CHRDL1: variants seen among roughly 807,000 people sequenced by gnomAD.
The protein encoded by CHRDL1 is chordin-like protein 1.
Under a neutral mutation model 40.9 loss-of-function variants are expected in CHRDL1, and 19 were observed. The ratio of observed to expected loss-of-function variants is 0.46; its 90% CI spans 0.32 to 0.68. CHRDL1 has a LOEUF of 0.68. CHRDL1 is among the 30% of genes least tolerant of loss of function. The probability of loss-of-function intolerance (pLI) is 0.03; values close to 1 mark genes in which losing one functional copy is unlikely to be tolerated. For synonymous variants in CHRDL1, 136 were observed against 123.4 expected (o/e 1.10, Z -0.68); for missense variants, 329 against 352.1 (o/e 0.93, Z 0.53).
chrX:110,768,289 A>C (rs1280694536), intron 2 of CHRDL1, among the ~76,000 whole-genome samples: 1 of 112,014 alleles, frequency 8.9e-6, no homozygotes, highest in Non-Finnish European at 1.9e-5. Flanking sequence ...AAAAGAACTA[A>C]AATTTTTATA....
intron 6 of CHRDL1, among the ~76,000 whole-genome samples, chrX:110,702,892 G>A (rs2070544964): frequency 8.9e-6 from 1 of 111,866 alleles, no homozygotes; most frequent in Non-Finnish European, 1.9e-5. Flanking sequence ...AGCATCTGGG[G>A]CAGTGCTGGG....
intron 10 of CHRDL1, among the ~76,000 whole-genome samples, chrX:110,680,578 C>A (rs1253400488): frequency 8.9e-6 from 1 of 112,086 alleles, no homozygotes; most frequent in Non-Finnish European, 1.9e-5. Flanking sequence ...CTACTGAATT[C>A]CTATCTCTGG....
intron 6 of CHRDL1, among the ~76,000 whole-genome samples, chrX:110,712,714 A>AC: frequency 9.1e-6 from 1 of 109,897 alleles, no homozygotes; most frequent in East Asian, 2.9e-4. Flanking sequence ...AAAAAAAAAA[A>AC]AAAATTGGTT....
intron 2 of CHRDL1, among the ~76,000 whole-genome samples, chrX:110,770,231 A>G (rs951752886): frequency 8.9e-6 from 1 of 112,406 alleles, no homozygotes; most frequent in Non-Finnish European, 1.9e-5. Context: ...ATAAAGTGCT[A>G]TAAAATATAG....
intron 6 of CHRDL1, among the ~76,000 whole-genome samples, chrX:110,718,562 A>C (rs1569470994): frequency 8.9e-6 from 1 of 111,869 alleles, no homozygotes; most frequent in Non-Finnish European, 1.9e-5. Flanking sequence ...AGGCTCTTTG[A>C]ATGCTTTAAG....
rs2069772141 is a variant in CHRDL1 at position 110,676,137 on chromosome X, T to C, written c.*94A>G. On this transcript the variant is annotated 3_prime_UTR_variant, in exon 12 of 12. Coordinates refer to ENST00000372042, the MANE Select transcript of CHRDL1 (RefSeq NM_001143981.2). ...TAATTGACTGCATTTGAGTTTGGAG[T>C]TTTAGGGCACTGTTGACTTAAGCAA... 2.1e-6 allele frequency: 2 copies of C among 940,678 alleles called. No homozygotes were observed. The highest frequency in any genetic ancestry group is 2.8e-5 in the Admixed American group (1 of 35,203). 77.5% of individuals were successfully genotyped at this position (940,678 alleles called of 1,213,427 possible). A position where few individuals can be genotyped will look rare whatever the true frequency, so the allele number is the denominator to read the frequency against.
chrX:110,743,753 C>A (rs748936384), intron 4 of CHRDL1, among the ~76,000 whole-genome samples: 1 of 112,018 alleles, frequency 8.9e-6, no homozygotes, highest in Admixed American at 9.5e-5. Flanking sequence ...AACAGCAAGA[C>A]AAGCACAAGG....
intron 9 of CHRDL1, among the ~76,000 whole-genome samples, chrX:110,685,271 T>G (rs546794832): frequency 7.6e-4 from 85 of 111,997 alleles, no homozygotes; most frequent in African/African-American, 2.7e-3. Flanking sequence ...CTTTCTTTCT[T>G]TTTTTGAGAC....
At chrX:110,726,073 C>T (rs1278356471) in intron 4 of CHRDL1, among the ~76,000 whole-genome samples, 1 of 111,197 alleles carries the variant, frequency 9.0e-6, no homozygotes, top group African/African-American at 3.3e-5. Context: ...GAGAGAATGA[C>T]AAAAAGGCCT....
At chrX:110,780,421 T>C (rs2089921544) in intron 2 of CHRDL1, among the ~76,000 whole-genome samples, 1 of 111,513 alleles carries the variant, frequency 9.0e-6, no homozygotes, top group African/African-American at 3.2e-5. Context: ...TGCCATTAAA[T>C]AGTTTACCCA....
At chrX:110,787,892 A>C (rs2090041779) in intron 2 of CHRDL1, among the ~76,000 whole-genome samples, 1 of 112,772 alleles carries the variant, frequency 8.9e-6, no homozygotes, top group Non-Finnish European at 1.9e-5. Context: ...ACATAATTGA[A>C]TATTCTTAAC....
chrX:110,712,359 A>T (rs1178359163), intron 6 of CHRDL1, among the ~76,000 whole-genome samples: 2 of 111,099 alleles, frequency 1.8e-5, no homozygotes. Context: ...TAAGTGAAGC[A>T]CATAACAGGA....
chrX:110,749,939 C>A (rs1167732183), intron 4 of CHRDL1, among the ~76,000 whole-genome samples: 1 of 111,852 alleles, frequency 8.9e-6, no homozygotes, highest in Non-Finnish European at 1.9e-5. Context: ...TGAGAGCTGG[C>A]AACTCATTCT....
intron 4 of CHRDL1, among the ~76,000 whole-genome samples, chrX:110,749,173 A>C (rs1032197776): frequency 4.5e-5 from 5 of 111,562 alleles, no homozygotes; most frequent in Non-Finnish European, 9.4e-5. Context: ...TATGATAGTG[A>C]GTGTGGACTC....
At chrX:110,689,580 C>CTATATATCTA (rs2070143472) in intron 8 of CHRDL1, among the ~76,000 whole-genome samples, 1 of 5,917 alleles carries the variant, frequency 1.7e-4, no homozygotes. Flanking sequence ...ATCTATATAT[C>CTATATATCTA]TATATATCTA....
chrX:110,756,337 T>C (rs1161858604), intron 4 of CHRDL1, among the ~76,000 whole-genome samples: 1 of 111,880 alleles, frequency 8.9e-6, no homozygotes, highest in African/African-American at 3.2e-5. Context: ...TATGGATAGT[T>C]TGGATCCAAA....
chrX:110,777,391 A>G (rs2089869669), intron 2 of CHRDL1, among the ~76,000 whole-genome samples: 1 of 111,519 alleles, frequency 9.0e-6, no homozygotes, highest in Non-Finnish European at 1.9e-5. Flanking sequence ...ATCATACGGT[A>G]AAAGTATGTT....
At chrX:110,758,745 G>A (rs1403342131) in intron 4 of CHRDL1, among the ~76,000 whole-genome samples, 1 of 111,874 alleles carries the variant, frequency 8.9e-6, no homozygotes, top group African/African-American at 3.2e-5. Context: ...TAAAGCTGCG[G>A]ATGTTCTCTA....
chrX:110,720,298 T>C (rs1009189094), intron 5 of CHRDL1, among the ~76,000 whole-genome samples: 3 of 111,187 alleles, frequency 2.7e-5, no homozygotes, highest in African/African-American at 9.8e-5. Flanking sequence ...GGAATGAAGA[T>C]TTATTTCATA....
Sources: allele counts gnomAD v4.1 joint callset (sites outside exome capture counted in the v4.1 genomes callset), GRCh38; gene constraint gnomAD v4.1.1; transcripts MANE v1.5; gene names NCBI Gene and HGNC (gene_info 2026-07-23, HGNC 2026-07-21).